The following GET4 variants were observed in gnomAD, a reference collection of about 807,000 sequenced individuals.
The protein encoded by GET4 is guided entry of tail-anchored proteins factor 4.
A neutral mutation model predicts 40.0 loss-of-function variants in GET4; 20 were observed. That is an observed-to-expected ratio of 0.50 (90% CI 0.35 to 0.73). The LOEUF is 0.73. GET4 is among the 30% of genes least tolerant of loss of function. The pLI is 0.01. For missense variants in GET4, 557 were observed against 454.0 expected, an observed-to-expected ratio of 1.23 and a Z score of -2.06; for synonymous variants, 280 against 194.6, an observed-to-expected ratio of 1.44 and a Z score of -3.65.
chr7:887,607 C>G (rs1028867354), intron 4 of GET4, 88 bp downstream of exon 4: 1 of 1,058,798 alleles, frequency 9.4e-7, no homozygotes, highest in East Asian at 2.8e-5. Context: ...GGGTCACCCA[C>G]CAGGGCAGAG....
At chr7:895,036 T>TG (rs1844444591) in intron 8 of GET4, among the ~76,000 whole-genome samples, 1 of 151,396 alleles carries the variant, frequency 6.6e-6, no homozygotes, top group Non-Finnish European at 1.5e-5. Flanking sequence ...TTGGTGGGTG[T>TG]GGAGGGTGGT....
chr7:887,917 C>T (rs889040384), intron 4 of GET4, among the ~76,000 whole-genome samples: 33 of 152,174 alleles, frequency 2.2e-4, no homozygotes, highest in Admixed American at 3.3e-4. Context: ...ATTAATCACC[C>T]TGTGGTGGGG....
At position 889,773 on chromosome 7, in the gene GET4, T is replaced by C. The variant is rs199674119; in HGVS notation, c.467-1155T>C. 9.7e-3 allele frequency among the ~76,000 whole-genome samples: 621 copies of C among 63,812 alleles called. 28 individuals are homozygous for C. The highest frequency in any genetic ancestry group is 0.016 in the African/African-American group (226 of 14,214). The allele number at this position is 63,812 out of a possible 152,430, so 41.9% of individuals were successfully genotyped here. A position where few individuals can be genotyped will look rare whatever the true frequency, so the allele number is the denominator to read the frequency against. The stretch of plus-strand genomic sequence containing the variant: ...GAGTGGAGGGAGCGCGAGCGGGTGT[T>C]AGGACGGGGCCTGGGAGTGGAGGGA... On this transcript the variant is annotated intron_variant, in intron 4 of 8. Transcript: ENST00000265857.
chr7:889,040 G>T (rs1259750726), intron 4 of GET4, among the ~76,000 whole-genome samples: 1 of 152,268 alleles, frequency 6.6e-6, no homozygotes, highest in Non-Finnish European at 1.5e-5. Context: ...CAGGAGACCT[G>T]CATGGCAGCT....
intron 1 of GET4, chr7:881,494 C>T (rs1260421849): frequency 1.3e-5 from 2 of 152,222 alleles, no homozygotes; most frequent in African/African-American, 4.8e-5. Flanking sequence ...GAGACTCCTC[C>T]TGGAGCGTCC....
At chr7:877,410 C>T (rs547613132) in intron 1 of GET4, among the ~76,000 whole-genome samples, 63 of 118,544 alleles carry the variant, frequency 5.3e-4, no homozygotes, top group Middle Eastern at 8.5e-3. Flanking sequence ...CTCCGTCTCT[C>T]TCTCCCCGGC....
rs147403750 is a variant in GET4 at position 894,590 on chromosome 7, A to G, written c.895+619A>G. 6.9e-3 allele frequency among the ~76,000 whole-genome samples: 1,051 copies of G among 151,894 alleles called. 9 individuals are homozygous for G. Among genetic ancestry groups the G allele is most frequent in the Non-Finnish European group, 0.013 (883 of 67,906 alleles). On this transcript the variant is annotated intron_variant, in intron 8 of 8. Coordinates refer to ENST00000265857, the MANE Select transcript of GET4 (RefSeq NM_015949.3). Reference sequence around the variant, plus strand: ...CCTGGCCCTCACCGTGCCCCGTGACACAGGCACCTCCACCCCAACACCCGT... The same window carrying G: ...CCTGGCCCTCACCGTGCCCCGTGACGCAGGCACCTCCACCCCAACACCCGT...
At chr7:890,731 G>C (rs1032246680) in intron 4 of GET4, among the ~76,000 whole-genome samples, 197 bp from the exon 5 acceptor site, 1 of 152,100 alleles carries the variant, frequency 6.6e-6, no homozygotes, top group Non-Finnish European at 1.5e-5. Flanking sequence ...TTTCCCCGTG[G>C]ATCTGTTGAT....
rs578108751 is a variant in GET4, at chr7:892,267, C to T, written c.606-11C>T. On this transcript the variant is annotated splice_polypyrimidine_tract_variant and intron_variant, in intron 5 of 8. Transcript: ENST00000265857. ...CCAGCCCTTCCACCACCAGCATGTT[C>T]TCATTTCCAGGTTTCTCTGTTTAAA... 2 of 1,585,448 alleles carry T rather than the reference C, an allele frequency of 1.3e-6. No individual in the cohort carries two copies. Among genetic ancestry groups the T allele is most frequent in the African/African-American group, 1.3e-5 (1 of 74,622 alleles).
Position 884,433 on chromosome 7 carries a change from C to T in GET4, c.156-1623C>T, listed in dbSNP as rs1421555665. The T allele has an allele frequency of 6.9e-6, 8 of 1,162,136 alleles. No homozygotes were observed. In the East Asian group the frequency reaches 4.2e-4, roughly 61 times the overall value. 72.0% of individuals were successfully genotyped at this position (1,162,136 alleles called of 1,614,324 possible). ...CAGAACCTTCACTGTGCGGGGAGCA[C>T]AGCAAAACCGGAGGCCTGCCAACGG... On this transcript the variant is annotated intron_variant, in intron 1 of 8. Transcript: ENST00000265857.
chr7:887,546 G>T, intron 4 of GET4, 27 bp downstream of exon 4: 1 of 1,490,902 alleles, frequency 6.7e-7, no homozygotes. Context: ...GGCAGGCGTG[G>T]GCACCTCTCT....
intron 1 of GET4, chr7:884,029 G>T (rs1844138459): frequency 8.7e-7 from 1 of 1,155,858 alleles, no homozygotes; most frequent in Non-Finnish European, 1.1e-6. Flanking sequence ...ACCATCGGCA[G>T]TGCCCCCCAG....
intron 2 of GET4, 77 bp downstream of exon 2, chr7:886,211 C>G (rs1844184826): frequency 1.1e-6 from 1 of 923,848 alleles, no homozygotes; most frequent in African/African-American, 1.6e-5. Context: ...CTCCCACCTC[C>G]ACTGATGGGC....
intron 1 of GET4, chr7:883,488 G>T: frequency 9.1e-6 from 9 of 984,684 alleles, no homozygotes; most frequent in Non-Finnish European, 1.1e-5. Context: ...TTTTGTAAGA[G>T]AAGAGCAAAA....
intron 6 of GET4, 70 bp from the exon 7 acceptor site, chr7:893,670 C>A: frequency 1.0e-6 from 1 of 1,000,412 alleles, no homozygotes; most frequent in Middle Eastern, 2.4e-4. Flanking sequence ...GGCGCAGGCG[C>A]GGTGGTTTGT....
intron 1 of GET4, among the ~76,000 whole-genome samples, chr7:877,193 C>A (rs1352781113): frequency 1.2e-5 from 1 of 83,760 alleles, no homozygotes; most frequent in African/African-American, 5.2e-5. Context: ...CCCGCCCCAC[C>A]TTGGTCTCGC....
chr7:886,155 C>A, intron 2 of GET4, 21 bp downstream of exon 2: 2 of 1,511,940 alleles, frequency 1.3e-6, no homozygotes, highest in Non-Finnish European at 1.8e-6. Context: ...TTGCTTCCTC[C>A]TGCATCCCTT....
intron 1 of GET4, chr7:885,261 C>T (rs1367850003): frequency 6.6e-6 from 1 of 152,286 alleles, no homozygotes; most frequent in Non-Finnish European, 1.5e-5. Flanking sequence ...TGGGCCCCAC[C>T]ACTGGACTGG....
At chr7:887,808 C>G (rs1475922114) in intron 4 of GET4, among the ~76,000 whole-genome samples, 1 of 152,248 alleles carries the variant, frequency 6.6e-6, no homozygotes, top group South Asian at 2.1e-4. Flanking sequence ...ATGCGTGCTG[C>G]TGCTCCTTTC....
Sources: gnomAD v4.1 joint callset for allele counts (sites outside exome capture counted in the v4.1 genomes callset) on GRCh38, gnomAD v4.1.1 for gene constraint, MANE v1.5 for transcripts, NCBI Gene and HGNC (gene_info 2026-07-23, HGNC 2026-07-21) for gene names.